MAP2K5: variants seen among roughly 807,000 people sequenced by gnomAD.
MAP2K5 encodes the protein dual specificity mitogen-activated protein kinase kinase 5.
In MAP2K5, 49 loss-of-function variants were observed where a neutral mutation model predicts 83.1. The ratio of observed to expected loss-of-function variants is 0.59; its 90% confidence interval spans 0.47 to 0.75. The LOEUF (loss-of-function observed/expected upper bound fraction) is 0.75. Among genes scored for constraint, MAP2K5 ranks in the 30% least tolerant of loss-of-function variants. The pLI is 0.00. For synonymous variants in MAP2K5, 202 were observed against 191.8 expected (o/e 1.05, Z -0.44); for missense variants, 457 against 557.5 (o/e 0.82, Z 1.82).
chr15:67,546,844 C>T (rs912431746), intron 1 of MAP2K5, among the ~76,000 whole-genome samples: 2 of 152,142 alleles, frequency 1.3e-5, no homozygotes, highest in South Asian at 2.1e-4. Context: ...GTGGGTAGAT[C>T]GCTTAAACTC....
At chr15:67,659,424 A>G (rs2087178124) in intron 12 of MAP2K5, 1 of 152,296 alleles carries the variant, frequency 6.6e-6, no homozygotes, top group African/African-American at 2.4e-5. Flanking sequence ...TTAATCGAAC[A>G]TGGACACTTA....
At position 67,778,088 on chromosome 15, in the gene MAP2K5, A is replaced by G. The variant is rs531515470; in HGVS notation, c.1242+5336A>G. Among the ~76,000 whole-genome samples, 1 of 152,232 alleles carries G rather than the reference A, an allele frequency of 6.6e-6. No individual in the cohort carries two copies. Among genetic ancestry groups the G allele is most frequent in the African/African-American group, 2.4e-5 (1 of 41,454 alleles). The stretch of plus-strand genomic sequence containing the variant: ...TCATTTCTCAGCTAAGGCTTTATGT[A>G]TAAGAGGTGGTAATGTTTGGGGGCT... On this transcript the variant is annotated intron_variant, in intron 21 of 21. Coordinates refer to ENST00000178640, the MANE Select transcript of MAP2K5 (RefSeq NM_145160.3). This position sits in a 1 kb window ranked among gnomAD's most constrained non-coding sequence, Gnocchi z 5.0.
In MAP2K5 at chr15:67,806,882, C is replaced by T. The variant is rs147526632; in HGVS notation, c.*132C>T. 8.5e-5 allele frequency: 136 copies of T among 1,594,608 alleles called. 1 individual carries two copies. In the African/African-American group the frequency reaches 1.7e-3, roughly 20 times the overall value. On this transcript the variant is annotated 3_prime_UTR_variant, in exon 22 of 22. Coordinates refer to ENST00000178640, the MANE Select transcript of MAP2K5 (RefSeq NM_145160.3). ...GGCTTCCCTGCCCTCGCCTTCACCT[C>T]TGTCAGCAGGTGGCCTTGCCTGGGG...
intron 13 of MAP2K5, among the ~76,000 whole-genome samples, chr15:67,684,648 C>T (rs1181053977): frequency 6.6e-6 from 1 of 152,166 alleles, no homozygotes; most frequent in African/African-American, 2.4e-5. Context: ...CCCTCCCACA[C>T]ACACACCAGA....
intron 3 of MAP2K5, among the ~76,000 whole-genome samples, chr15:67,574,671 A>G (rs2085017362): frequency 6.6e-6 from 1 of 151,590 alleles, no homozygotes; most frequent in Non-Finnish European, 1.5e-5. Flanking sequence ...GATCGAGACC[A>G]TTCTGGCCAA....
intron 8 of MAP2K5, among the ~76,000 whole-genome samples, chr15:67,608,343 C>T (rs1188159134): frequency 6.6e-6 from 1 of 152,188 alleles, no homozygotes; most frequent in African/African-American, 2.4e-5. Flanking sequence ...GGAATTGTGT[C>T]TGTTCAGTCC....
In MAP2K5 at chr15:67,806,781, C is replaced by G; in HGVS notation, c.*31C>G. On this transcript the variant is annotated 3_prime_UTR_variant, in exon 22 of 22. Transcript: ENST00000178640. ...CCGCAGGGCACTGAAAGCCCAGGAC[C>G]AGTAACCAAGGAGAACAACCCACCC... 1.3e-6 allele frequency: 2 copies of G among 1,586,930 alleles called. No individual in the cohort carries two copies. Among genetic ancestry groups the G allele is most frequent in the Non-Finnish European group, 1.7e-6 (2 of 1,172,174 alleles).
chr15:67,781,387 T>G lies in MAP2K5; in HGVS notation c.1242+8635T>G, dbSNP rs996956300. On this transcript the variant is annotated intron_variant, in intron 21 of 21. Coordinates refer to ENST00000178640, the MANE Select transcript of MAP2K5 (RefSeq NM_145160.3). This position sits in a 1 kb window ranked among gnomAD's most constrained non-coding sequence, Gnocchi z 4.0. The stretch of plus-strand genomic sequence containing the variant: ...TTTGTAGCAGTTTTGAGAGAGACCT[T>G]TGGGGATTGTGAGTCTTGTGGTTTC... Among the ~76,000 whole-genome samples the G allele has an allele frequency of 3.3e-5, 5 of 152,140 alleles. No homozygotes were observed. Among genetic ancestry groups the G allele is most frequent in the African/African-American group, 1.2e-4 (5 of 41,426 alleles).
At chr15:67,772,555 A>T (rs1056384454) in intron 20 of MAP2K5, 152 bp from the exon 21 acceptor site, 9 of 434,360 alleles carry the variant, frequency 2.1e-5, no homozygotes, top group Non-Finnish European at 3.7e-5. Context: ...AAATAAAAGA[A>T]AGGGAATATA....
Position 67,732,178 on chromosome 15 carries a change from G to T in MAP2K5, c.1074+4233G>T, listed in dbSNP as rs537419357. On this transcript the variant is annotated intron_variant, in intron 17 of 21. Coordinates refer to ENST00000178640, the MANE Select transcript of MAP2K5 (RefSeq NM_145160.3). Reference sequence around the variant, plus strand: ...GGAAAGATGTGAAGGTCTAGACAAGGACTGGAGCTGCCTATAGTTAATCAT... The same window carrying T: ...GGAAAGATGTGAAGGTCTAGACAAGTACTGGAGCTGCCTATAGTTAATCAT... Among the ~76,000 whole-genome samples, 5 of 152,304 alleles carry T rather than the reference G, an allele frequency of 3.3e-5. No homozygotes were observed. In the East Asian group the frequency reaches 9.6e-4, roughly 29 times the overall value.
At chr15:67,731,781 T>C (rs1438463433) in intron 17 of MAP2K5, among the ~76,000 whole-genome samples, 1 of 152,178 alleles carries the variant, frequency 6.6e-6, no homozygotes, top group Non-Finnish European at 1.5e-5. Context: ...CCCTGGCTCT[T>C]TAACTTCTTA....
rs2090319455 is a variant in MAP2K5 at position 67,780,960 on chromosome 15, TA to T, written c.1242+8209del. 6.6e-6 allele frequency among the ~76,000 whole-genome samples: 1 copy of T among 152,118 alleles called. No individual in the cohort carries two copies. The highest frequency in any genetic ancestry group is 1.9e-4 in the East Asian group (1 of 5,186). Reference sequence around the variant, plus strand: ...AGCAAGTAACTCCACATCCAGAGGTTATTAGAGAGCCAAAACCTAGAGGAGA... The same window carrying T: ...AGCAAGTAACTCCACATCCAGAGGTTTTAGAGAGCCAAAACCTAGAGGAGA... On this transcript the variant is annotated intron_variant, in intron 21 of 21. Transcript: ENST00000178640. The surrounding 1 kb of genome is among the most constrained non-coding windows in gnomAD (Gnocchi z 5.0).
Position 67,555,809 on chromosome 15 carries a change from A to T in MAP2K5, c.184+5727A>T, listed in dbSNP as rs559584451. Among the ~76,000 whole-genome samples the T allele has an allele frequency of 4.7e-5, 7 of 150,296 alleles. No individual in the cohort carries two copies. The East Asian group carries it at 1.2e-3, about 25-fold the overall frequency. ...AATTTCCTTTTTTTTTTTGAGACGC[A>T]GTCTCACTCTGTCGCCCAGGCTGGA... On this transcript the variant is annotated intron_variant, in intron 2 of 21. Transcript: ENST00000178640. This position sits in a 1 kb window ranked among gnomAD's most constrained non-coding sequence, Gnocchi z 5.2.
chr15:67,560,378 A>T (rs2084709719), intron 2 of MAP2K5, among the ~76,000 whole-genome samples: 1 of 152,264 alleles, frequency 6.6e-6, no homozygotes. Flanking sequence ...GACTAAGCAT[A>T]GATATTAAAG....
At position 67,749,707 on chromosome 15, in the gene MAP2K5, C is replaced by T. The variant is rs76489741; in HGVS notation, c.1134+1106C>T. Among the ~76,000 whole-genome samples, 596 of 152,272 alleles carry T rather than the reference C, an allele frequency of 3.9e-3. 4 individuals carry two copies. Among genetic ancestry groups the T allele is most frequent in the African/African-American group, 0.014 (573 of 41,562 alleles). ...CATGTTGATGTAAAAATGAAGGCAT[C>T]GTCCTGAAACAAATGGAGGCTCCAT... is the stretch of plus-strand genomic sequence containing the variant. On this transcript the variant is annotated intron_variant, in intron 19 of 21. Coordinates refer to ENST00000178640, the MANE Select transcript of MAP2K5 (RefSeq NM_145160.3). The surrounding 1 kb of genome is among the most constrained non-coding windows in gnomAD (Gnocchi z 4.6).
At position 67,562,218 on chromosome 15, in the gene MAP2K5, ATAGGCTGTCCTCAC is replaced by A. The variant is rs1567273907; in HGVS notation, c.185-1063_185-1050del. ...CAACTGTGCATTTACAGTCTACTAC[ATAGGCTGTCCTCAC>A]TGTTGACAAATCTTTATAGAAGGAT... On this transcript the variant is annotated intron_variant, in intron 2 of 21. Transcript: ENST00000178640. The surrounding 1 kb of genome is among the most constrained non-coding windows in gnomAD (Gnocchi z 4.1). 1.3e-5 allele frequency among the ~76,000 whole-genome samples: 2 copies of A among 152,216 alleles called. No homozygotes were observed. Among genetic ancestry groups the A allele is most frequent in the African/African-American group, 4.8e-5 (2 of 41,456 alleles).
At chr15:67,593,642 T>C (rs2085461928) in intron 7 of MAP2K5, among the ~76,000 whole-genome samples, 1 of 152,260 alleles carries the variant, frequency 6.6e-6, no homozygotes, top group South Asian at 2.1e-4. Context: ...AAATGCGTTT[T>C]AATGTTTGTT....
chr15:67,708,158 C>A lies in MAP2K5; in HGVS notation c.1044+4750C>A, dbSNP rs1040405080. The stretch of plus-strand genomic sequence containing the variant: ...TAGCAAGACTCCATCTCTAAAAAAA[C>A]AATTTTTTTTTTCATTTAGCCAGGA... On this transcript the variant is annotated intron_variant, in intron 16 of 21. Coordinates refer to ENST00000178640, the MANE Select transcript of MAP2K5 (RefSeq NM_145160.3). The surrounding 1 kb of genome is among the most constrained non-coding windows in gnomAD (Gnocchi z 4.9). Among the ~76,000 whole-genome samples the A allele has an allele frequency of 1.3e-5, 2 of 151,790 alleles. No homozygotes were observed. Among genetic ancestry groups the A allele is most frequent in the African/African-American group, 2.4e-5 (1 of 41,306 alleles).
At position 67,768,129 on chromosome 15, in the gene MAP2K5, T is replaced by C. The variant is rs1356569795; in HGVS notation, c.1135-1473T>C. Reference sequence around the variant, plus strand: ...CCCCCTTAGTTCCTTTTGATTTAATTGTATTTTCCAGCACTTTCCAATTGT... The same window carrying C: ...CCCCCTTAGTTCCTTTTGATTTAATCGTATTTTCCAGCACTTTCCAATTGT... On this transcript the variant is annotated intron_variant, in intron 19 of 21. Transcript: ENST00000178640. The surrounding 1 kb of genome is among the most constrained non-coding windows in gnomAD (Gnocchi z 4.0). Among the ~76,000 whole-genome samples the C allele has an allele frequency of 6.6e-6, 1 of 152,198 alleles. No homozygotes were observed. The highest frequency in any genetic ancestry group is 1.5e-5 in the Non-Finnish European group (1 of 68,024).
Sources: gnomAD v4.1 joint callset for allele counts (sites outside exome capture counted in the v4.1 genomes callset) on GRCh38, gnomAD v4.1.1 for gene constraint, Gnocchi (gnomAD v3.1) non-coding constraint, MANE v1.5 for transcripts, NCBI Gene and HGNC (gene_info 2026-07-23, HGNC 2026-07-21) for gene names.